ARHGEF4: variants seen among roughly 807,000 people sequenced by gnomAD.
The protein encoded by ARHGEF4 is APC-stimulated guanine nucleotide exchange factor 1.
A neutral mutation model predicts 162.0 loss-of-function variants in ARHGEF4; 119 were observed. That is an observed-to-expected ratio of 0.73 (90% confidence interval 0.63 to 0.86). The LOEUF (loss-of-function observed/expected upper bound fraction) is 0.86. Ranked by LOEUF, ARHGEF4 falls within the 40% of genes least tolerant of loss-of-function variation. The probability of loss-of-function intolerance (pLI) is 0.00; values close to 1 mark genes in which losing one functional copy is unlikely to be tolerated. For synonymous variants in ARHGEF4, 1,014 were observed against 979.9 expected, an observed-to-expected ratio of 1.03 and a Z score of -0.65; for missense variants, 2,488 against 2,456.0, an observed-to-expected ratio of 1.01 and a Z score of -0.28.
chr2:130,863,979 T>A (rs1251612486), intron 1 of ARHGEF4, among the ~76,000 whole-genome samples: 1 of 124,298 alleles, frequency 8.0e-6, no homozygotes, highest in South Asian at 3.1e-4. Flanking sequence ...GGTCAGGAGA[T>A]CGAGACCATC....
rs1681572620 is a variant in ARHGEF4, at chr2:130,917,469, C to G, written c.3523C>G (p.Pro1175Ala). Reference sequence around the variant, plus strand: ...GGGTCCGCGCGGCTTGGGCACAGTGCCCTGGCTCAGGGACCTTCCTGGGAG... The same window carrying G: ...GGGTCCGCGCGGCTTGGGCACAGTGGCCTGGCTCAGGGACCTTCCTGGGAG... ...GQGPRGLGTV[P>A]WLRDLPGSEN... The change falls in exon 2 of 14, where the codon CCC becomes GCC. Residue 1175 changes from proline (P) to alanine (A), a missense_variant. Physicochemically the swap from Pro to Ala is conservative, Grantham distance 27. Coordinates refer to ENST00000409359, the MANE Select transcript of ARHGEF4 (RefSeq NM_001367493.1). 1 of 1,550,202 alleles carries G rather than the reference C, an allele frequency of 6.5e-7. No individual in the cohort carries two copies. Among genetic ancestry groups the G allele is most frequent in the African/African-American group, 1.4e-5 (1 of 73,034 alleles).
Position 130,915,226 on chromosome 2 carries a change from A to C in ARHGEF4, c.1280A>C (p.Asn427Thr). 1 of 1,550,484 alleles carries C rather than the reference A, an allele frequency of 6.4e-7. No homozygotes were observed. Among genetic ancestry groups the C allele is most frequent in the Non-Finnish European group, 8.7e-7 (1 of 1,146,976 alleles). The change falls in exon 2 of 14, where the codon AAC (asparagine) becomes ACC (threonine). Residue 427 changes from asparagine to threonine, a missense_variant. By Grantham distance (65) the Asn-to-Thr change is moderately conservative (BLOSUM62 0). Coordinates refer to ENST00000409359, the MANE Select transcript of ARHGEF4 (RefSeq NM_001367493.1). ...DTPSAGLLGE[N>T]QLRQDSRSCL... is the part of the protein sequence containing the mutation. ...CCTTCTGCAGGTCTCCTGGGGGAAAACCAGTTAAGACAGGATTCCAGGTCA... is the reference window on the plus strand; with the variant it reads ...CCTTCTGCAGGTCTCCTGGGGGAAACCCAGTTAAGACAGGATTCCAGGTCA...
At position 131,038,880 on chromosome 2, in the gene ARHGEF4, G is replaced by A. The variant is rs765044277; in HGVS notation, c.4153G>A (p.Ala1385Thr). Reference sequence around the variant, plus strand: ...CATCAGCGATGGCAGTGTGGTCTGCGCTGAAGCACTCTGGGACCATGTCAC... The same window carrying A: ...CATCAGCGATGGCAGTGTGGTCTGCACTGAAGCACTCTGGGACCATGTCAC... ...ELISDGSVVC[A>T]EALWDHVTMD... The change falls in exon 6 of 14, where the codon GCT becomes ACT. Residue 1385 changes from alanine to threonine, a missense_variant. This residue lies in a region of ARHGEF4 where 5 missense variants were observed against 18.5 expected (regional missense o/e 0.27). Coordinates refer to ENST00000409359, the MANE Select transcript of ARHGEF4 (RefSeq NM_001367493.1). 6.8e-6 allele frequency: 11 copies of A among 1,612,946 alleles called. No individual in the cohort carries two copies. Among genetic ancestry groups the A allele is most frequent in the African/African-American group, 4.0e-5 (3 of 74,934 alleles).
In ARHGEF4 at chr2:130,915,568, T is replaced by C; in HGVS notation, c.1622T>C (p.Met541Thr). The change falls in exon 2 of 14, where the codon ATG becomes ACG. Residue 541 changes from methionine (M) to threonine (T), a missense_variant. By Grantham distance (81) the Met-to-Thr change is moderately conservative (BLOSUM62 -1). Around this residue, in one of 6 missense-constraint regions of ARHGEF4, gnomAD observed 1,642 missense variants for 1,481.5 expected, o/e 1.11. Coordinates refer to ENST00000409359, the MANE Select transcript of ARHGEF4 (RefSeq NM_001367493.1). Reference sequence around the variant, plus strand: ...ACCCAGGTGTGGAGTGGAGACTTGATGGGCTGCTTGGAAGTGAGTGACAGT... The same window carrying C: ...ACCCAGGTGTGGAGTGGAGACTTGACGGGCTGCTTGGAAGTGAGTGACAGT... ...EGTQVWSGDL[M>T]GCLEVSDSSD... The C allele has an allele frequency of 6.4e-7, 1 of 1,550,546 alleles. No homozygotes were observed. The highest frequency in any genetic ancestry group is 8.7e-7 in the Non-Finnish European group (1 of 1,146,988).
chr2:130,986,263 G>T (rs2105266987), intron 4 of ARHGEF4, among the ~76,000 whole-genome samples: 1 of 152,314 alleles, frequency 6.6e-6, no homozygotes, highest in South Asian at 2.1e-4. Flanking sequence ...GTCCCTCTTT[G>T]TGGGCTCTGG....
At position 130,916,591 on chromosome 2, in the gene ARHGEF4, A is replaced by G; in HGVS notation, c.2645A>G (p.Asp882Gly). Reference sequence around the variant, plus strand: ...GCGGGGCACACGGGGACCTCAGGGGATCTTGGTAGCCGAGGGCCTTCCTCT... The same window carrying G: ...GCGGGGCACACGGGGACCTCAGGGGGTCTTGGTAGCCGAGGGCCTTCCTCT... ...AGAGHTGTSGDLGSRGPSSES... is the reference protein window; with the variant it reads ...AGAGHTGTSGGLGSRGPSSES... The change falls in exon 2 of 14, where the codon GAT (aspartate) becomes GGT (glycine). Residue 882 changes from aspartate (D) to glycine (G), a missense_variant. Coordinates refer to ENST00000409359, the MANE Select transcript of ARHGEF4 (RefSeq NM_001367493.1). 6.4e-7 allele frequency: 1 copy of G among 1,550,464 alleles called. No homozygotes were observed. Among genetic ancestry groups the G allele is most frequent in the Non-Finnish European group, 8.7e-7 (1 of 1,146,946 alleles).
Position 130,931,208 on chromosome 2 carries a change from A to C in ARHGEF4, c.3809A>C (p.His1270Pro). 1 of 1,613,856 alleles carries C rather than the reference A, an allele frequency of 6.2e-7. No individual in the cohort carries two copies. ...AGAAAGAAGTTGCAGAAGCAGGCCC[A>C]CGTCGAAAGGAGGCTGCACATAGGG... is the stretch of plus-strand genomic sequence containing the variant. ...TQRKKLQKQA[H>P]VERRLHIGAV... The change falls in exon 3 of 14, where the codon CAC becomes CCC. Residue 1270 changes from histidine to proline, a missense_variant. Transcript: ENST00000409359.
intron 1 of ARHGEF4, among the ~76,000 whole-genome samples, chr2:130,868,752 C>T (rs1682476339): frequency 6.6e-6 from 1 of 152,150 alleles, no homozygotes; most frequent in African/African-American, 2.4e-5. Flanking sequence ...AAAATGCAGC[C>T]AGTGCATTAC....
At chr2:130,850,077 C>T (rs1184947367) in intron 1 of ARHGEF4, among the ~76,000 whole-genome samples, 2 of 152,198 alleles carry the variant, frequency 1.3e-5, no homozygotes, top group Admixed American at 6.5e-5. Context: ...GCCCTCACCC[C>T]ACCGGGAGCC....
At chr2:130,962,237 CAAAAAAAAA>C (rs11332592) in intron 4 of ARHGEF4, among the ~76,000 whole-genome samples, 1 of 122,358 alleles carries the variant, frequency 8.2e-6, no homozygotes, top group South Asian at 2.7e-4. Flanking sequence ...GTTTCCGTTT[CAAAAAAAAA>C]AAAAAAAAGG....
At chr2:130,865,832 C>T (rs1485652456) in intron 1 of ARHGEF4, among the ~76,000 whole-genome samples, 2 of 152,074 alleles carry the variant, frequency 1.3e-5, no homozygotes. Context: ...TGATCAAGTC[C>T]GTCAGTCCTT....
At chr2:130,939,598 T>C (rs529812961) in intron 3 of ARHGEF4, among the ~76,000 whole-genome samples, 2 of 152,212 alleles carry the variant, frequency 1.3e-5, no homozygotes, top group African/African-American at 4.8e-5. Flanking sequence ...ATAATAAATA[T>C]GAAAATAAGT....
rs1559036500 is a variant in ARHGEF4 at position 130,915,580 on chromosome 2, A to C, written c.1634A>C (p.Glu545Ala). 6.4e-7 allele frequency: 1 copy of C among 1,550,524 alleles called. No individual in the cohort carries two copies. The highest frequency in any genetic ancestry group is 1.2e-5 in the South Asian group (1 of 84,054). ...VWSGDLMGCL[E>A]VSDSSDAPET... Reference sequence around the variant, plus strand: ...AGTGGAGACTTGATGGGCTGCTTGGAAGTGAGTGACAGTTCAGATGCCCCT... The same window carrying C: ...AGTGGAGACTTGATGGGCTGCTTGGCAGTGAGTGACAGTTCAGATGCCCCT... The change falls in exon 2 of 14, where the codon GAA becomes GCA. Residue 545 changes from glutamate (E) to alanine (A), a missense_variant. Glu to Ala is a moderately radical substitution (Grantham distance 107). Coordinates refer to ENST00000409359, the MANE Select transcript of ARHGEF4 (RefSeq NM_001367493.1).
intron 1 of ARHGEF4, among the ~76,000 whole-genome samples, chr2:130,845,858 G>T (rs1295354442): frequency 6.6e-6 from 1 of 152,236 alleles, no homozygotes; most frequent in Admixed American, 6.5e-5. Context: ...CAGACCTACG[G>T]TGTGATCCCA....
At chr2:130,958,787 T>C (rs1684451348) in intron 4 of ARHGEF4, among the ~76,000 whole-genome samples, 2 of 152,130 alleles carry the variant, frequency 1.3e-5, no homozygotes, top group African/African-American at 2.4e-5. Flanking sequence ...TTTAAAACAG[T>C]GTTCACCAGT....
chr2:130,841,771 G>A (rs140162046), intron 1 of ARHGEF4, among the ~76,000 whole-genome samples: 4 of 152,240 alleles, frequency 2.6e-5, no homozygotes, highest in Admixed American at 6.5e-5. Flanking sequence ...GCTCTTGATC[G>A]GTCTCCACCA....
chr2:131,010,821 TGGAGGGAA>T (rs1465612912), intron 4 of ARHGEF4, among the ~76,000 whole-genome samples: 1 of 152,220 alleles, frequency 6.6e-6, no homozygotes, highest in African/African-American at 2.4e-5. Flanking sequence ...TGGGACATAA[TGGAGGGAA>T]GCTAAAGCCA....
chr2:130,837,985 A>C (rs1482380301), intron 1 of ARHGEF4, among the ~76,000 whole-genome samples: 1 of 152,246 alleles, frequency 6.6e-6, no homozygotes, highest in Admixed American at 6.5e-5. Flanking sequence ...CAGGTGACCC[A>C]GGGCAGACCT....
intron 1 of ARHGEF4, among the ~76,000 whole-genome samples, 153 bp downstream of exon 1, chr2:130,837,145 T>C (rs1273204819): frequency 1.3e-5 from 2 of 151,966 alleles, no homozygotes; most frequent in African/African-American, 4.8e-5. Context: ...CTCCCAACTT[T>C]CCGACGTGCA....
Sources: gnomAD v4.1 joint callset for allele counts (sites outside exome capture counted in the v4.1 genomes callset) on GRCh38, gnomAD v4.1.1 for gene constraint, gnomAD v4.1.1 regional missense constraint, MANE v1.5 for transcripts, NCBI Gene and HGNC (gene_info 2026-07-23, HGNC 2026-07-21) for gene names.